Variants in GRK5 observed in about 807,000 individuals in gnomAD.
GRK5 encodes the protein g protein-coupled receptor kinase GRK5.
GRK5 carries 40 observed loss-of-function variants against 78.4 expected under a neutral mutation model. The observed-to-expected ratio is 0.51, with a 90% confidence interval of 0.40 to 0.66. The LOEUF is 0.66. Ranked by LOEUF, GRK5 falls within the 30% of genes least tolerant of loss-of-function variation. The pLI, the probability that GRK5 is intolerant of heterozygous loss-of-function variation, is 0.00. For missense variants in GRK5, 598 were observed against 759.9 expected, an observed-to-expected ratio of 0.79 and a Z score of 2.50; for synonymous variants, 289 against 296.8, an observed-to-expected ratio of 0.97 and a Z score of 0.27.
intron 2 of GRK5, among the ~76,000 whole-genome samples, chr10:119,368,118 A>C (rs1272686044): frequency 6.6e-6 from 1 of 152,220 alleles, no homozygotes; most frequent in Non-Finnish European, 1.5e-5. Flanking sequence ...CTGGAAGGCA[A>C]GATGGGCCCC....
chr10:119,212,007 G>A (rs1028981949), intron 1 of GRK5, among the ~76,000 whole-genome samples: 2 of 152,164 alleles, frequency 1.3e-5, no homozygotes, highest in African/African-American at 4.8e-5. Context: ...AGGCATACGT[G>A]GAGGCATACG....
chr10:119,249,286 G>GAAAA (rs1483814931), intron 1 of GRK5, among the ~76,000 whole-genome samples: 1,552 of 150,330 alleles, frequency 0.01, 21 homozygotes, highest in East Asian at 0.031. Context: ...AACAAAAAAC[G>GAAAA]AAAAACAAAA....
At chr10:119,222,709 G>A (rs965287212) in intron 1 of GRK5, among the ~76,000 whole-genome samples, 5 of 152,064 alleles carry the variant, frequency 3.3e-5, no homozygotes, top group Admixed American at 3.3e-4. Context: ...ATTTTCTTCT[G>A]GGAAACATTT....
In GRK5 at chr10:119,305,748, GTC is replaced by G. The variant is rs1218892187; in HGVS notation, c.53-20763_53-20762del. 2.0e-5 allele frequency among the ~76,000 whole-genome samples: 3 copies of G among 152,198 alleles called. No homozygotes were observed. In the East Asian group the frequency reaches 5.8e-4, roughly 29 times the overall value. On this transcript the variant is annotated intron_variant, in intron 1 of 15. Transcript: ENST00000392870. The stretch of plus-strand genomic sequence containing the variant: ...AAAACCTGGAAGACCTAACCTACGT[GTC>G]TCTCAACAGGAGAGTGGATGGAGGA...
At chr10:119,323,801 G>C (rs1224607135) in intron 1 of GRK5, among the ~76,000 whole-genome samples, 1 of 152,180 alleles carries the variant, frequency 6.6e-6, no homozygotes, top group Admixed American at 6.5e-5. Flanking sequence ...CGTCATCTGA[G>C]CGAGGTACAC....
intron 1 of GRK5, among the ~76,000 whole-genome samples, chr10:119,236,212 C>CT (rs925381759): frequency 1.3e-5 from 2 of 152,174 alleles, no homozygotes; most frequent in African/African-American, 4.8e-5. Flanking sequence ...GACCTACACA[C>CT]TATTTTTTTT....
At chr10:119,388,893 T>C (rs1851840995) in intron 3 of GRK5, among the ~76,000 whole-genome samples, 1 of 152,216 alleles carries the variant, frequency 6.6e-6, no homozygotes, top group African/African-American at 2.4e-5. Context: ...AGCCTCTCCA[T>C]GGGATTGCTT....
intron 2 of GRK5, among the ~76,000 whole-genome samples, chr10:119,351,377 T>C (rs1026090364): frequency 1.3e-5 from 2 of 152,184 alleles, no homozygotes; most frequent in African/African-American, 4.8e-5. Context: ...TGATGGGAGA[T>C]AGTTGAATCA....
chr10:119,344,927 T>TTCCTTCCC (rs1851059771), intron 2 of GRK5, among the ~76,000 whole-genome samples: 3 of 136,380 alleles, frequency 2.2e-5, no homozygotes, highest in Non-Finnish European at 4.7e-5. Flanking sequence ...CCTTCCTTCC[T>TTCCTTCCC]TCCTTCCTTT....
intron 1 of GRK5, among the ~76,000 whole-genome samples, chr10:119,232,665 T>G (rs1848849778): frequency 6.6e-6 from 1 of 152,126 alleles, no homozygotes; most frequent in Non-Finnish European, 1.5e-5. Context: ...CTGCACAAGC[T>G]CTCTTTGCCT....
intron 4 of GRK5, among the ~76,000 whole-genome samples, chr10:119,397,575 G>A (rs1041278799): frequency 6.6e-6 from 1 of 152,202 alleles, no homozygotes; most frequent in African/African-American, 2.4e-5. Context: ...CGGGGCCAGT[G>A]GTGGCTTCAC....
chr10:119,400,304 T>G (rs576956566), intron 4 of GRK5, among the ~76,000 whole-genome samples: 1 of 152,276 alleles, frequency 6.6e-6, no homozygotes, highest in South Asian at 2.1e-4. Flanking sequence ...GTGATGCTGC[T>G]GAATCAGATC....
rs533921562 is a variant in GRK5 at position 119,268,703 on chromosome 10, G to A, written c.53-57813G>A. 3.3e-5 allele frequency among the ~76,000 whole-genome samples: 5 copies of A among 152,344 alleles called. No individual in the cohort carries two copies. The East Asian group carries it at 5.8e-4, about 18-fold the overall frequency. On this transcript the variant is annotated intron_variant, in intron 1 of 15. Coordinates refer to ENST00000392870, the MANE Select transcript of GRK5 (RefSeq NM_005308.3). ...TGCAGTAGTTGTTATGGCAGTTGTC[G>A]TCACTGTCCCCAATGTCATCACTAT...
chr10:119,367,459 A>G (rs1350985940), intron 2 of GRK5, among the ~76,000 whole-genome samples: 2 of 152,182 alleles, frequency 1.3e-5, no homozygotes, highest in Admixed American at 1.3e-4. Flanking sequence ...TTAATCACCA[A>G]AGACCCAGAT....
intron 15 of GRK5, among the ~76,000 whole-genome samples, chr10:119,454,408 C>T (rs1316885822): frequency 6.6e-6 from 1 of 152,208 alleles, no homozygotes; most frequent in African/African-American, 2.4e-5. Flanking sequence ...CATATGGGCA[C>T]CAGCACCTGT....
intron 1 of GRK5, among the ~76,000 whole-genome samples, chr10:119,236,331 T>C (rs1848927791): frequency 6.6e-6 from 1 of 152,078 alleles, no homozygotes; most frequent in Non-Finnish European, 1.5e-5. Context: ...TTCTCCTGCC[T>C]CAGCCTCCCG....
intron 4 of GRK5, among the ~76,000 whole-genome samples, chr10:119,421,206 G>C (rs976277258): frequency 6.6e-6 from 1 of 152,208 alleles, no homozygotes. Flanking sequence ...CCAAGCCATC[G>C]GCTCTCTCCT....
rs562438591 is a variant in GRK5 at position 119,422,748 on chromosome 10, G to A, written c.340-418G>A. Among the ~76,000 whole-genome samples the A allele has an allele frequency of 2.4e-4, 36 of 152,366 alleles. No individual in the cohort carries two copies. The Middle Eastern group carries it at 0.01, about 43-fold the overall frequency. The stretch of plus-strand genomic sequence containing the variant: ...GGGGCTCAGTGATGAGCTGGGTCAC[G>A]CTGCACAGCCCCTTATGGTTGGGAG... On this transcript the variant is annotated intron_variant, in intron 4 of 15. Transcript: ENST00000392870.
At chr10:119,400,783 C>T (rs1228116790) in intron 4 of GRK5, among the ~76,000 whole-genome samples, 1 of 152,198 alleles carries the variant, frequency 6.6e-6, no homozygotes, top group African/African-American at 2.4e-5. Context: ...GGCAAGAGGC[C>T]ATCTGGGGAA....
Sources: allele counts gnomAD v4.1 joint callset (sites outside exome capture counted in the v4.1 genomes callset), GRCh38; gene constraint gnomAD v4.1.1; transcripts MANE v1.5; gene names NCBI Gene and HGNC (gene_info 2026-07-23, HGNC 2026-07-21).